The following IPO7 variants were observed in gnomAD, a reference collection of about 807,000 sequenced individuals.
The protein encoded by IPO7 is importin 7.
Under a neutral mutation model 136.4 loss-of-function variants are expected in IPO7, and 13 were observed. That is an observed-to-expected ratio of 0.10 (90% CI 0.06 to 0.15). The LOEUF (loss-of-function observed/expected upper bound fraction) is 0.15. Ranked by LOEUF, IPO7 falls within the 10% of genes least tolerant of loss-of-function variation. The pLI, the probability that IPO7 is intolerant of heterozygous loss-of-function variation, is 1.00. For synonymous variants in IPO7, 403 were observed against 404.4 expected (o/e 1.00, Z 0.04); for missense variants, 857 against 1,240.6 (o/e 0.69, Z 4.65).
At chr11:9,405,451 A>G (rs1854869110) in intron 2 of IPO7, among the ~76,000 whole-genome samples, 1 of 152,082 alleles carries the variant, frequency 6.6e-6, no homozygotes. Context: ...CTGGGATTAC[A>G]GGCGTGAGCC....
intron 1 of IPO7, among the ~76,000 whole-genome samples, chr11:9,399,430 G>T (rs1048365402): frequency 8.5e-5 from 13 of 152,066 alleles, no homozygotes; most frequent in Non-Finnish European, 1.9e-4. Flanking sequence ...CAAAGTGCTG[G>T]GATTACAGGC....
rs369592851 is a variant in IPO7 at position 9,413,035 on chromosome 11, A to T, written c.480-1220A>T. ...GCTGGGACTATAGGCGCCCGCCACC[A>T]CGCCCAGCTAATTTTTTGCATTTTA... On this transcript the variant is annotated intron_variant, in intron 4 of 24. Transcript: ENST00000379719. Among the ~76,000 whole-genome samples the T allele has an allele frequency of 2.0e-5, 3 of 151,238 alleles. No individual in the cohort carries two copies. The East Asian group carries it at 5.9e-4, about 30-fold the overall frequency.
intron 12 of IPO7, 68 bp downstream of exon 12, chr11:9,425,330 G>C: frequency 1.1e-6 from 1 of 920,936 alleles, no homozygotes; most frequent in Non-Finnish European, 1.8e-6. Flanking sequence ...AGCCAGCCAG[G>C]CACAGTGGCT....
At chr11:9,415,460 A>G (rs1855027151) in intron 5 of IPO7, among the ~76,000 whole-genome samples, 1 of 152,244 alleles carries the variant, frequency 6.6e-6, no homozygotes, top group Admixed American at 6.5e-5. Flanking sequence ...AAAATACTAA[A>G]TCAGTGGGCT....
rs1377467315 is a variant in IPO7 at position 9,429,032 on chromosome 11, C to T, written c.1427C>T (p.Ala476Val). The change falls in exon 14 of 25, where the codon GCT becomes GTT. Residue 476 changes from alanine (A) to valine (V), a missense_variant and splice_region_variant. Ala to Val is a moderately conservative substitution (Grantham distance 64). This residue lies in a region of IPO7 where 127 missense variants were observed against 222.4 expected (regional missense o/e 0.57). Coordinates refer to ENST00000379719, the MANE Select transcript of IPO7 (RefSeq NM_006391.3). ...SSELGYMRAR[A>V]CWVLHYFCEV... Reference sequence around the variant, plus strand: ...TAACTCACTGTGTTTTTACAAAAGGCTTGCTGGGTACTTCACTATTTTTGT... The same window carrying T: ...TAACTCACTGTGTTTTTACAAAAGGTTTGCTGGGTACTTCACTATTTTTGT... 6.2e-7 allele frequency: 1 copy of T among 1,613,082 alleles called. No homozygotes were observed. Among genetic ancestry groups the T allele is most frequent in the Admixed American group, 1.7e-5 (1 of 59,930 alleles).
chr11:9,409,802 G>A, intron 3 of IPO7, 126 bp from the exon 4 acceptor site: 1 of 618,286 alleles, frequency 1.6e-6, no homozygotes, highest in Non-Finnish European at 2.6e-6. Flanking sequence ...TATATTCTGT[G>A]TACATCTAAA....
chr11:9,438,785 A>G (rs981266929), intron 22 of IPO7, among the ~76,000 whole-genome samples: 2 of 152,216 alleles, frequency 1.3e-5, no homozygotes, highest in African/African-American at 4.8e-5. Flanking sequence ...AACAGTTCAA[A>G]CCATTATAGT....
chr11:9,399,138 G>A (rs1046425768), intron 1 of IPO7, among the ~76,000 whole-genome samples: 1 of 151,466 alleles, frequency 6.6e-6, no homozygotes, highest in African/African-American at 2.4e-5. Flanking sequence ...GACTAGGTTG[G>A]TGTTCATGGG....
chr11:9,441,933 T>C, intron 23 of IPO7, 148 bp from the exon 24 acceptor site: 1 of 488,282 alleles, frequency 2.0e-6, no homozygotes, highest in South Asian at 3.5e-5. Context: ...GTTTCACAAA[T>C]ATGGTAATTT....
chr11:9,440,419 C>A, intron 22 of IPO7, 36 bp from the exon 23 acceptor site: 1 of 1,509,060 alleles, frequency 6.6e-7, no homozygotes, highest in South Asian at 1.1e-5. Flanking sequence ...CAAAATATGT[C>A]ATTGTTATAA....
At position 9,425,150 on chromosome 11, in the gene IPO7, T is replaced by C. The variant is rs1450097859; in HGVS notation, c.1223T>C (p.Leu408Pro). 1.3e-6 allele frequency: 2 copies of C among 1,598,806 alleles called. No individual in the cohort carries two copies. The highest frequency in any genetic ancestry group is 8.6e-7 in the Non-Finnish European group (1 of 1,167,768). The change falls in exon 12 of 25, where the codon CTG becomes CCG. Residue 408 changes from leucine to proline, a missense_variant. This residue lies in a region of IPO7 where 127 missense variants were observed against 222.4 expected (regional missense o/e 0.57). Coordinates refer to ENST00000379719, the MANE Select transcript of IPO7 (RefSeq NM_006391.3). ...FTACSKRKEV[L>P]QKTMGFCYQI... ...TACTTTTCTCTTTTAATCTAGGTACTGCAAAAGACTATGGGATTTTGTTAC... is the reference window on the plus strand; with the variant it reads ...TACTTTTCTCTTTTAATCTAGGTACCGCAAAAGACTATGGGATTTTGTTAC...
chr11:9,395,562 G>A (rs1322857234), intron 1 of IPO7, among the ~76,000 whole-genome samples: 2 of 152,088 alleles, frequency 1.3e-5, no homozygotes, highest in East Asian at 3.9e-4. Flanking sequence ...TTCTTTGGGA[G>A]AATACAAGTC....
chr11:9,401,598 A>G, intron 1 of IPO7, among the ~76,000 whole-genome samples: 1 of 152,144 alleles, frequency 6.6e-6, no homozygotes, highest in East Asian at 1.9e-4. Flanking sequence ...AATATGACAA[A>G]TTTAGGAATA....
At chr11:9,428,883 G>C (rs1475628989) in intron 13 of IPO7, 148 bp from the exon 14 acceptor site, 3 of 816,544 alleles carry the variant, frequency 3.7e-6, no homozygotes, top group Non-Finnish European at 4.4e-6. Context: ...AGTAACTTGG[G>C]ATCATAGTAC....
intron 20 of IPO7, 70 bp from the exon 21 acceptor site, chr11:9,437,684 G>A: frequency 1.7e-6 from 2 of 1,148,224 alleles, no homozygotes; most frequent in Non-Finnish European, 2.5e-6. Flanking sequence ...CAACAAAGAA[G>A]TTAATATTTT....
chr11:9,418,985 T>C (rs1442421833), intron 6 of IPO7, among the ~76,000 whole-genome samples: 1 of 152,254 alleles, frequency 6.6e-6, no homozygotes, highest in Non-Finnish European at 1.5e-5. Context: ...TGTATAGATA[T>C]ATCACAATTT....
Position 9,419,559 on chromosome 11 carries a change from A to AAAATATAT in IPO7, c.727-851_727-850insAATATATA, listed in dbSNP as rs1256216265. On this transcript the variant is annotated intron_variant, in intron 6 of 24. Coordinates refer to ENST00000379719, the MANE Select transcript of IPO7 (RefSeq NM_006391.3). ...GAGACTCTGTCTAAAAAAAAAAAAAAATATATATATATATATATATATATA... is the reference window on the plus strand; with the variant it reads ...GAGACTCTGTCTAAAAAAAAAAAAAAAAATATATATATATATATATATATATATATATA... Among the ~76,000 whole-genome samples, 120 of 116,830 alleles carry AAAATATAT rather than the reference A, an allele frequency of 1.0e-3. 2 individuals are homozygous for AAAATATAT. The highest frequency in any genetic ancestry group is 4.2e-3 in the African/African-American group (113 of 26,652). The allele number at this position is 116,830 out of a possible 152,430, so 76.6% of individuals were successfully genotyped here. A position where few individuals can be genotyped will look rare whatever the true frequency, so the allele number is the denominator to read the frequency against.
At chr11:9,401,501 C>T (rs1854795216) in intron 1 of IPO7, among the ~76,000 whole-genome samples, 1 of 150,858 alleles carries the variant, frequency 6.6e-6, no homozygotes. Flanking sequence ...TTAGGACCAG[C>T]CTGGGCAACA....
intron 15 of IPO7, 45 bp downstream of exon 15, chr11:9,429,879 C>G: frequency 1.4e-6 from 2 of 1,427,456 alleles, no homozygotes; most frequent in Non-Finnish European, 1.9e-6. Flanking sequence ...TTTAATGTAG[C>G]TCTCAGTATG....
Sources: allele counts gnomAD v4.1 joint callset (sites outside exome capture counted in the v4.1 genomes callset), GRCh38; gene constraint gnomAD v4.1.1; regional missense constraint gnomAD v4.1.1; transcripts MANE v1.5; gene names NCBI Gene and HGNC (gene_info 2026-07-23, HGNC 2026-07-21).